The following TMEM178B variants were observed in gnomAD, a reference collection of about 807,000 sequenced individuals.
TMEM178B encodes the protein transmembrane protein 178B.
In TMEM178B, 5 loss-of-function variants were observed where a neutral mutation model predicts 31.0. The observed-to-expected ratio is 0.16, with a 90% CI of 0.08 to 0.34. TMEM178B has a LOEUF of 0.34. Ranked by LOEUF, TMEM178B falls within the 10% of genes least tolerant of loss-of-function variation. TMEM178B has a pLI of 1.00. For synonymous variants in TMEM178B, 164 were observed against 164.0 expected (o/e 1.00, Z 0.00); for missense variants, 275 against 400.3 (o/e 0.69, Z 2.67).
At chr7:141,254,717 G>T (rs1860812) in intron 2 of TMEM178B, among the ~76,000 whole-genome samples, 66,039 of 151,850 alleles carry the variant, frequency 0.43, 14,578 homozygotes, top group East Asian at 0.66. Flanking sequence ...GCGAGACTTC[G>T]TCTAAAACAA....
At chr7:141,113,679 A>G (rs1795271729) in intron 1 of TMEM178B, among the ~76,000 whole-genome samples, 1 of 152,160 alleles carries the variant, frequency 6.6e-6, no homozygotes, top group South Asian at 2.1e-4. Context: ...TCTACCTTGC[A>G]GTGAGCTGGG....
intron 2 of TMEM178B, among the ~76,000 whole-genome samples, chr7:141,353,387 G>A (rs1799767810): frequency 6.6e-6 from 1 of 152,136 alleles, no homozygotes. Context: ...CGTCTCTCCA[G>A]GCTTATCTCA....
At position 141,435,231 on chromosome 7, in the gene TMEM178B, A is replaced by C. The variant is rs114996626; in HGVS notation, c.497-2377A>C. On this transcript the variant is annotated intron_variant, in intron 2 of 3. Coordinates refer to ENST00000565468, the MANE Select transcript of TMEM178B (RefSeq NM_001195278.2). The stretch of plus-strand genomic sequence containing the variant: ...GCCCCTGTCTCTCACCAAGTAAAAA[A>C]ATAAACTCAAAATGGATTAAATACT... Among the ~76,000 whole-genome samples, 378 of 152,394 alleles carry C rather than the reference A, an allele frequency of 2.5e-3. 5 individuals are homozygous for C. Among genetic ancestry groups the C allele is most frequent in the African/African-American group, 8.5e-3 (355 of 41,606 alleles).
intron 1 of TMEM178B, among the ~76,000 whole-genome samples, chr7:141,133,299 A>T (rs561745712): frequency 6.6e-6 from 1 of 152,210 alleles, no homozygotes; most frequent in Non-Finnish European, 1.5e-5. Context: ...AAGAAACTCA[A>T]TAAGATACAA....
At chr7:141,426,932 CTA>C (rs1801329147) in intron 2 of TMEM178B, among the ~76,000 whole-genome samples, 1 of 152,018 alleles carries the variant, frequency 6.6e-6, no homozygotes, top group Admixed American at 6.6e-5. Flanking sequence ...TAATAGGAAA[CTA>C]TTTGAAAAAG....
At chr7:141,283,252 A>G (rs541694048) in intron 2 of TMEM178B, among the ~76,000 whole-genome samples, 34 of 152,356 alleles carry the variant, frequency 2.2e-4, no homozygotes, top group Admixed American at 5.2e-4. Flanking sequence ...TGGCTGTAAC[A>G]TTCAACCAAC....
At chr7:141,087,161 GA>G (rs1435662337) in intron 1 of TMEM178B, among the ~76,000 whole-genome samples, 1 of 152,166 alleles carries the variant, frequency 6.6e-6, no homozygotes, top group Non-Finnish European at 1.5e-5. Flanking sequence ...AAAATTACCA[GA>G]AAACTTTGTC....
At chr7:141,272,759 G>A (rs1402187434) in intron 2 of TMEM178B, among the ~76,000 whole-genome samples, 1 of 152,162 alleles carries the variant, frequency 6.6e-6, no homozygotes, top group South Asian at 2.1e-4. Context: ...CATGACTTGC[G>A]GACAAGATAA....
At position 141,318,859 on chromosome 7, in the gene TMEM178B, TAA is replaced by T; in HGVS notation, c.496+106157_496+106158del. ...GTTTCCCATGTTGTCTCAATTCAGT[TAA>T]AGAGATCTTTTTTTAACCATATGTG... On this transcript the variant is annotated intron_variant, in intron 2 of 3. Transcript: ENST00000565468. The surrounding 1 kb of genome is among the most constrained non-coding windows in gnomAD (Gnocchi z 4.1). Among the ~76,000 whole-genome samples, 1 of 152,320 alleles carries T rather than the reference TAA, an allele frequency of 6.6e-6. No homozygotes were observed.
intron 1 of TMEM178B, among the ~76,000 whole-genome samples, chr7:141,130,509 C>T: frequency 6.6e-6 from 1 of 152,136 alleles, no homozygotes; most frequent in African/African-American, 2.4e-5. Context: ...TGTGTAGCAG[C>T]AGTTTGTTCT....
At chr7:141,126,051 G>A (rs1383021345) in intron 1 of TMEM178B, among the ~76,000 whole-genome samples, 2 of 152,182 alleles carry the variant, frequency 1.3e-5, no homozygotes, top group East Asian at 1.9e-4. Flanking sequence ...AGCAGGAAGG[G>A]AGCAAGACAG....
intron 3 of TMEM178B, among the ~76,000 whole-genome samples, chr7:141,438,867 T>G: frequency 1.4e-5 from 2 of 138,628 alleles, no homozygotes; most frequent in South Asian, 2.3e-4. Context: ...TAGAGCAAGA[T>G]TCCGTCTCAA....
At chr7:141,357,397 G>A (rs566230651) in intron 2 of TMEM178B, among the ~76,000 whole-genome samples, 105 of 152,252 alleles carry the variant, frequency 6.9e-4, no homozygotes, top group Non-Finnish European at 1.3e-3. Flanking sequence ...GTTTGTGGAC[G>A]TGTGAAATAA....
At chr7:141,498,487 A>G in the TMEM178B span, among the ~76,000 whole-genome samples, 1 of 152,354 alleles carries the variant, frequency 6.6e-6, no homozygotes, top group East Asian at 1.9e-4. Flanking sequence ...CATGGGAATC[A>G]TTCATGGCCT....
At chr7:141,244,554 A>G (rs1797694459) in intron 2 of TMEM178B, among the ~76,000 whole-genome samples, 1 of 152,240 alleles carries the variant, frequency 6.6e-6, no homozygotes, top group East Asian at 1.9e-4. Context: ...TTTTAAGCCT[A>G]GGCGGCAGAA....
intron 2 of TMEM178B, among the ~76,000 whole-genome samples, chr7:141,290,719 A>G (rs889556419): frequency 3.3e-5 from 5 of 152,012 alleles, no homozygotes; most frequent in Non-Finnish European, 5.9e-5. Context: ...CCTTCCTTGA[A>G]CTCTATAACA....
At chr7:141,394,720 T>A (rs1211286923) in intron 2 of TMEM178B, among the ~76,000 whole-genome samples, 1 of 152,216 alleles carries the variant, frequency 6.6e-6, no homozygotes, top group South Asian at 2.1e-4. Flanking sequence ...TTGAGCAAGT[T>A]CTGTCATTTT....
In TMEM178B at chr7:141,197,586, T is replaced by C. The variant is rs116619891; in HGVS notation, c.383-15005T>C. Reference sequence around the variant, plus strand: ...TATAAAGAGAAACATAATTCATCTATTTGGGGTTTCTACATTCTGTCTGTG... The same window carrying C: ...TATAAAGAGAAACATAATTCATCTACTTGGGGTTTCTACATTCTGTCTGTG... On this transcript the variant is annotated intron_variant, in intron 1 of 3. Coordinates refer to ENST00000565468, the MANE Select transcript of TMEM178B (RefSeq NM_001195278.2). 7.4e-3 allele frequency among the ~76,000 whole-genome samples: 1,127 copies of C among 152,320 alleles called. 20 individuals are homozygous for C. Among genetic ancestry groups the C allele is most frequent in the African/African-American group, 0.026 (1,064 of 41,568 alleles).
intron 2 of TMEM178B, among the ~76,000 whole-genome samples, chr7:141,360,021 C>T (rs974535374): frequency 6.6e-6 from 1 of 152,282 alleles, no homozygotes; most frequent in Non-Finnish European, 1.5e-5. Flanking sequence ...TCAATTATCT[C>T]CCACCGGGTT....
Sources: allele counts gnomAD v4.1 joint callset (sites outside exome capture counted in the v4.1 genomes callset), GRCh38; gene constraint gnomAD v4.1.1; non-coding constraint Gnocchi (gnomAD v3.1); transcripts MANE v1.5; gene names NCBI Gene and HGNC (gene_info 2026-07-23, HGNC 2026-07-21).